VEGFC: variants seen among roughly 807,000 people sequenced by gnomAD.
The protein encoded by VEGFC is FLT4 ligand DHM.
In VEGFC, 12 loss-of-function variants were observed where a neutral mutation model predicts 46.1. The observed-to-expected ratio is 0.26, with a 90% CI of 0.17 to 0.42. VEGFC has a LOEUF of 0.42. VEGFC is among the 10% of genes least tolerant of loss of function. VEGFC has a pLI of 1.00. For missense variants in VEGFC, 488 were observed against 529.4 expected (o/e 0.92, Z 0.77); for synonymous variants, 232 against 195.5 (o/e 1.19, Z -1.56).
At chr4:176,767,692 T>C (rs1037081020) in intron 1 of VEGFC, among the ~76,000 whole-genome samples, 9 of 151,726 alleles carry the variant, frequency 5.9e-5, no homozygotes, top group African/African-American at 2.2e-4. Flanking sequence ...TGACTACTAT[T>C]ACTTGATAGA....
intron 4 of VEGFC, among the ~76,000 whole-genome samples, chr4:176,692,321 C>G (rs377470613): frequency 0.016 from 1,725 of 108,414 alleles, 41 homozygotes; most frequent in African/African-American, 0.082. Flanking sequence ...GTGAACCCGG[C>G]AGGCGGAGCT....
At chr4:176,702,940 GA>G (rs1389760903) in intron 4 of VEGFC, among the ~76,000 whole-genome samples, 1 of 151,960 alleles carries the variant, frequency 6.6e-6, no homozygotes, top group East Asian at 1.9e-4. Context: ...AATGTCAAGA[GA>G]AAAAAAGTAA....
chr4:176,772,466 T>G (rs1735739337), intron 1 of VEGFC, among the ~76,000 whole-genome samples: 2 of 152,180 alleles, frequency 1.3e-5, no homozygotes, highest in East Asian at 1.9e-4. Flanking sequence ...ATCTTTCAGG[T>G]GGGTATACAA....
At position 176,777,918 on chromosome 4, in the gene VEGFC, C is replaced by CAAAAAAA. The variant is rs773634012; in HGVS notation, c.147+14240_147+14246dup. On this transcript the variant is annotated intron_variant, in intron 1 of 6. Transcript: ENST00000618562. Reference sequence around the variant, plus strand: ...TGGGCGACAGAGCAAGACTTTGTCTCAAAAAAAAAAAAAAAAAAAAAAAAA... The same window carrying CAAAAAAA: ...TGGGCGACAGAGCAAGACTTTGTCTCAAAAAAAAAAAAAAAAAAAAAAAAAAAAAAAA... Among the ~76,000 whole-genome samples the CAAAAAAA allele has an allele frequency of 4.0e-4, 23 of 57,170 alleles. 1 individual carries two copies. The highest frequency in any genetic ancestry group is 1.2e-3 in the African/African-American group (19 of 15,772). 37.5% of individuals were successfully genotyped at this position (57,170 alleles called of 152,430 possible).
rs142596356 is a variant in VEGFC at position 176,746,288 on chromosome 4, A to G, written c.148-16542T>C. Among the ~76,000 whole-genome samples, 819 of 152,158 alleles carry G rather than the reference A, an allele frequency of 5.4e-3. 6 individuals are homozygous for G. The highest frequency in any genetic ancestry group is 0.019 in the African/African-American group (781 of 41,538). ...GAGAAAATTAACTCATGCTAGGCCA[A>G]TAATGTCCACCTTTATGAGAATTCT... On this transcript the variant is annotated intron_variant, in intron 1 of 6. Coordinates refer to ENST00000618562, the MANE Select transcript of VEGFC (RefSeq NM_005429.5).
rs1452004428 is a variant in VEGFC, at chr4:176,692,545, G to T, written c.705-4618C>A. On this transcript the variant is annotated intron_variant, in intron 4 of 6. Transcript: ENST00000618562. ...CAAACTGCAAGGCGGCAATGAGGCT[G>T]GGGGAGGGACGCCCGCCATTGCCCA... Among the ~76,000 whole-genome samples the T allele has an allele frequency of 6.7e-4, 90 of 133,834 alleles. 2 individuals are homozygous for T. Among genetic ancestry groups the T allele is most frequent in the Non-Finnish European group, 1.4e-4 (9 of 66,134 alleles). The allele number at this position is 133,834 out of a possible 152,430, so 87.8% of individuals were successfully genotyped here.
intron 1 of VEGFC, among the ~76,000 whole-genome samples, chr4:176,777,596 T>A (rs560199510): frequency 1.3e-4 from 20 of 152,116 alleles, no homozygotes; most frequent in Non-Finnish European, 2.4e-4. Flanking sequence ...ACAAATATTA[T>A]GAAGTGACAT....
intron 1 of VEGFC, among the ~76,000 whole-genome samples, chr4:176,783,049 C>T (rs1024443475): frequency 1.1e-4 from 16 of 152,210 alleles, no homozygotes; most frequent in East Asian, 1.9e-4. Context: ...AGGGTAACCA[C>T]GCAAGTCACA....
chr4:176,789,722 T>C (rs1410516084), intron 1 of VEGFC, among the ~76,000 whole-genome samples: 2 of 152,282 alleles, frequency 1.3e-5, no homozygotes, highest in East Asian at 1.9e-4. Context: ...TAACTAGAAA[T>C]AGGAATCCAG....
chr4:176,724,993 G>A (rs1465344695), intron 3 of VEGFC, among the ~76,000 whole-genome samples: 3 of 152,190 alleles, frequency 2.0e-5, no homozygotes, highest in Admixed American at 6.5e-5. Context: ...AAGTTTTAGT[G>A]TTCAATAGTA....
chr4:176,685,611 G>A (rs1734025750), intron 6 of VEGFC, among the ~76,000 whole-genome samples: 1 of 151,864 alleles, frequency 6.6e-6, no homozygotes, highest in South Asian at 2.1e-4. Flanking sequence ...ATTTTTCAAT[G>A]TATACTAAAT....
chr4:176,684,527 G>A (rs546653857), intron 6 of VEGFC, among the ~76,000 whole-genome samples: 1 of 152,246 alleles, frequency 6.6e-6, no homozygotes, highest in African/African-American at 2.4e-5. Flanking sequence ...CTTGGCAGCT[G>A]GCTGCATGAC....
At chr4:176,733,553 C>A (rs1419655025) in intron 1 of VEGFC, among the ~76,000 whole-genome samples, 1 of 151,656 alleles carries the variant, frequency 6.6e-6, no homozygotes, top group African/African-American at 2.4e-5. Context: ...CTTTAATAGG[C>A]AAATCTACAG....
chr4:176,745,513 A>C (rs1335428876), intron 1 of VEGFC, among the ~76,000 whole-genome samples: 2 of 152,098 alleles, frequency 1.3e-5, no homozygotes, highest in East Asian at 3.9e-4. Context: ...GTCACTAGAA[A>C]GTGTCCCCAA....
At chr4:176,738,163 A>T (rs1382558362) in intron 1 of VEGFC, among the ~76,000 whole-genome samples, 2 of 152,100 alleles carry the variant, frequency 1.3e-5, no homozygotes, top group Admixed American at 6.6e-5. Context: ...ATTTCCATTA[A>T]ACTACCATTG....
rs1579100214 is a variant in VEGFC at position 176,711,619 on chromosome 4, C to A, written c.584G>T (p.Gly195Val). Reference sequence around the variant, plus strand: ...AAAACTGATTGTTACTGGTTTGGGGCCTTGAGAGAGAGGCACTGTAATTTC... The same window carrying A: ...AAAACTGATTGTTACTGGTTTGGGGACTTGAGAGAGAGGCACTGTAATTTC... ...LFEITVPLSQ[G>V]PKPVTISFAN... Residue 195 changes from glycine (G) to valine (V), a missense_variant, in exon 4 of 7, where the codon GGC (glycine) becomes GTC (valine). Gly to Val is a moderately radical substitution (Grantham distance 109). Transcript: ENST00000618562. 4 of 1,612,876 alleles carry A rather than the reference C, an allele frequency of 2.5e-6. No individual in the cohort carries two copies. The highest frequency in any genetic ancestry group is 3.4e-6 in the Non-Finnish European group (4 of 1,179,486).
At chr4:176,774,924 G>C (rs1735790467) in intron 1 of VEGFC, among the ~76,000 whole-genome samples, 1 of 151,902 alleles carries the variant, frequency 6.6e-6, no homozygotes, top group African/African-American at 2.4e-5. Context: ...AATATCGTTA[G>C]AGATCAATTG....
chr4:176,704,836 T>A (rs1444471385), intron 4 of VEGFC, among the ~76,000 whole-genome samples: 1 of 152,196 alleles, frequency 6.6e-6, no homozygotes, highest in Non-Finnish European at 1.5e-5. Flanking sequence ...ATGTATCCCC[T>A]CTCTACTGTA....
At chr4:176,782,966 C>T (rs905492723) in intron 1 of VEGFC, among the ~76,000 whole-genome samples, 2 of 152,184 alleles carry the variant, frequency 1.3e-5, no homozygotes, top group Non-Finnish European at 2.9e-5. Flanking sequence ...AGTGTGTCCA[C>T]CACTGATTTT....
Sources: gnomAD v4.1 joint callset for allele counts (sites outside exome capture counted in the v4.1 genomes callset) on GRCh38, gnomAD v4.1.1 for gene constraint, MANE v1.5 for transcripts, NCBI Gene and HGNC (gene_info 2026-07-23, HGNC 2026-07-21) for gene names.